DTNA: variants seen among roughly 807,000 people sequenced by gnomAD.
DTNA encodes the protein dystrobrevin alpha, also known as dystrophin-related protein 3.
In DTNA, 43 loss-of-function variants were observed where a neutral mutation model predicts 100.7. The observed-to-expected ratio is 0.43, with a 90% CI of 0.33 to 0.55. The LOEUF is 0.55. DTNA is among the 20% of genes least tolerant of loss of function. DTNA has a pLI of 0.04. For synonymous variants in DTNA, 349 were observed against 347.9 expected (o/e 1.00, Z -0.04); for missense variants, 798 against 953.9 (o/e 0.84, Z 2.15).
At chr18:34,548,564 GC>G (rs547161423) in intron 1 of DTNA, among the ~76,000 whole-genome samples, 236 of 152,160 alleles carry the variant, frequency 1.6e-3, no homozygotes, top group Non-Finnish European at 2.3e-3. Flanking sequence ...AAAGGCATGT[GC>G]TTTGATTTAA....
intron 1 of DTNA, among the ~76,000 whole-genome samples, chr18:34,540,225 G>T (rs2044118831): frequency 6.6e-6 from 1 of 151,632 alleles, no homozygotes; most frequent in Non-Finnish European, 1.5e-5. Flanking sequence ...AAATAATTTG[G>T]CAGAGATCAT....
At chr18:34,619,162 G>A (rs1271070017) in intron 1 of DTNA, among the ~76,000 whole-genome samples, 1 of 152,130 alleles carries the variant, frequency 6.6e-6, no homozygotes, top group Non-Finnish European at 1.5e-5. Flanking sequence ...AAATGCAAAT[G>A]GTTTAGCATT....
At chr18:34,499,920 G>C (rs1226550122) in intron 1 of DTNA, among the ~76,000 whole-genome samples, 2 of 151,724 alleles carry the variant, frequency 1.3e-5, no homozygotes, top group East Asian at 3.9e-4. Context: ...TTTATTTTGG[G>C]GTTACTTATT....
chr18:34,702,296 TC>T (rs769973174), intron 1 of DTNA, among the ~76,000 whole-genome samples: 1 of 152,122 alleles, frequency 6.6e-6, no homozygotes, highest in African/African-American at 2.4e-5. Flanking sequence ...CATAGCCCAT[TC>T]CAAGCATGGA....
chr18:34,568,771 G>A (rs984869705), intron 1 of DTNA, among the ~76,000 whole-genome samples: 1 of 151,946 alleles, frequency 6.6e-6, no homozygotes, highest in Non-Finnish European at 1.5e-5. Flanking sequence ...GTACAGGCAC[G>A]TACCACCATG....
chr18:34,537,078 T>A (rs2043790488), intron 1 of DTNA, among the ~76,000 whole-genome samples: 1 of 152,006 alleles, frequency 6.6e-6, no homozygotes, highest in Non-Finnish European at 1.5e-5. Flanking sequence ...CTGTGAAGTA[T>A]CAGTACAACT....
intron 1 of DTNA, among the ~76,000 whole-genome samples, chr18:34,722,353 ACAAGG>A (rs2085519172): frequency 6.6e-6 from 1 of 152,172 alleles, no homozygotes; most frequent in South Asian, 2.1e-4. Flanking sequence ...TATATGCTAG[ACAAGG>A]CTGTGCATAG....
chr18:34,891,533 A>T lies in DTNA; in HGVS notation c.*3799A>T, dbSNP rs2096964510. On this transcript the variant is annotated 3_prime_UTR_variant, in exon 23 of 23. Coordinates refer to ENST00000444659, the MANE Select transcript of DTNA (RefSeq NM_001386795.1). ...CCATTGATGGAATATTGAGCCACCG[A>T]GGCAAAATAGCTCACCTTCTCTTGC... The T allele has an allele frequency of 3.3e-5, 5 of 152,332 alleles. No homozygotes were observed. The South Asian group carries it at 1.0e-3, about 32-fold the overall frequency. 9.4% of individuals were successfully genotyped at this position (152,332 alleles called of 1,614,324 possible). A position where few individuals can be genotyped will look rare whatever the true frequency, so the allele number is the denominator to read the frequency against.
At chr18:34,809,437 A>T (rs1454869693) in intron 5 of DTNA, among the ~76,000 whole-genome samples, 1 of 152,200 alleles carries the variant, frequency 6.6e-6, no homozygotes, top group Non-Finnish European at 1.5e-5. Flanking sequence ...CAACAGAGCG[A>T]GACTCCATCT....
intron 1 of DTNA, among the ~76,000 whole-genome samples, chr18:34,579,002 A>C (rs2048373243): frequency 6.6e-6 from 1 of 152,056 alleles, no homozygotes; most frequent in African/African-American, 2.4e-5. Flanking sequence ...CTAATTAAAA[A>C]TTTTATTATT....
chr18:34,754,123 T>G (rs1239330372), intron 1 of DTNA, among the ~76,000 whole-genome samples: 1 of 152,202 alleles, frequency 6.6e-6, no homozygotes, highest in African/African-American at 2.4e-5. Context: ...CCAAAGCTAC[T>G]CTACGTCCTT....
intron 1 of DTNA, among the ~76,000 whole-genome samples, chr18:34,643,972 T>G (rs991676469): frequency 6.6e-6 from 1 of 152,200 alleles, no homozygotes; most frequent in African/African-American, 2.4e-5. Flanking sequence ...ATTACATTTT[T>G]CTTCAGCTGT....
At chr18:34,811,161 T>A (rs914166808) in intron 5 of DTNA, among the ~76,000 whole-genome samples, 4 of 152,214 alleles carry the variant, frequency 2.6e-5, no homozygotes, top group Non-Finnish European at 5.9e-5. Flanking sequence ...AATAGTGATT[T>A]GCACAGAGGA....
At chr18:34,874,217 A>G (rs1315178324) in intron 17 of DTNA, among the ~76,000 whole-genome samples, 1 of 152,180 alleles carries the variant, frequency 6.6e-6, no homozygotes, top group Non-Finnish European at 1.5e-5. Context: ...TGAATGGGTT[A>G]ATGATGACTC....
intron 1 of DTNA, among the ~76,000 whole-genome samples, chr18:34,508,428 T>C (rs1312608977): frequency 6.6e-6 from 1 of 152,160 alleles, no homozygotes. Flanking sequence ...TCATGTGAGA[T>C]TAAAGGACAT....
chr18:34,555,725 A>G (rs1568645594), intron 1 of DTNA, among the ~76,000 whole-genome samples: 1 of 152,056 alleles, frequency 6.6e-6, no homozygotes, highest in Admixed American at 6.6e-5. Flanking sequence ...GTTTGATTGC[A>G]CTGTGGTCTG....
At chr18:34,820,590 T>C (rs761002066) in intron 8 of DTNA, among the ~76,000 whole-genome samples, 9 of 152,206 alleles carry the variant, frequency 5.9e-5, no homozygotes, top group South Asian at 2.1e-4. Flanking sequence ...CCATTTATTG[T>C]AGCATTTGCT....
chr18:34,507,368 C>A (rs533053226), intron 1 of DTNA, among the ~76,000 whole-genome samples: 7 of 152,278 alleles, frequency 4.6e-5, no homozygotes, highest in Admixed American at 1.3e-4. Flanking sequence ...ATAGTGAATG[C>A]AGAATCTATA....
At chr18:34,815,079 T>C (rs940807395) in intron 6 of DTNA, among the ~76,000 whole-genome samples, 12 of 152,036 alleles carry the variant, frequency 7.9e-5, no homozygotes, top group Non-Finnish European at 1.5e-5. Context: ...GGCAACATAA[T>C]GAGACCCCAT....
Sources: gnomAD v4.1 joint callset for allele counts (sites outside exome capture counted in the v4.1 genomes callset) on GRCh38, gnomAD v4.1.1 for gene constraint, MANE v1.5 for transcripts, NCBI Gene and HGNC (gene_info 2026-07-23, HGNC 2026-07-21) for gene names.